PCDHAC2: variants seen among roughly 807,000 people sequenced by gnomAD.
PCDHAC2 encodes protocadherin alpha-C2.
In PCDHAC2, 24 loss-of-function variants were observed where a neutral mutation model predicts 63.3. The observed-to-expected ratio is 0.38, with a 90% confidence interval of 0.27 to 0.53. The LOEUF is 0.53. Among genes scored for constraint, PCDHAC2 ranks in the 20% least tolerant of loss-of-function variants. The probability of loss-of-function intolerance (pLI) is 0.81; values close to 1 mark genes in which losing one functional copy is unlikely to be tolerated. For missense variants in PCDHAC2, 1,181 were observed against 1,275.2 expected (o/e 0.93, Z 1.12); for synonymous variants, 569 against 529.4 (o/e 1.07, Z -1.03).
In PCDHAC2 at chr5:140,969,249, A is replaced by G. The variant is rs1586364972; in HGVS notation, c.2483A>G (p.Asp828Gly). The G allele has an allele frequency of 6.2e-7, 1 of 1,614,240 alleles. No homozygotes were observed. Among genetic ancestry groups the G allele is most frequent in the Admixed American group, 1.7e-5 (1 of 60,036 alleles). Residue 828 changes from aspartate (D) to glycine (G), a missense_variant, in exon 1 of 4, where the codon GAC becomes GGC. By Grantham distance (94) the Asp-to-Gly change is moderately conservative. Transcript: ENST00000289269. Reference sequence around the variant, plus strand: ...TCGGGAGCCCAAGCAGCAGTGACTGACAGCAGGAATCTCACAGGCCAAAGT... The same window carrying G: ...TCGGGAGCCCAAGCAGCAGTGACTGGCAGCAGGAATCTCACAGGCCAAAGT... The part of the protein sequence containing the change: ...GPSGAQAAVT[D>G]SRNLTGQSGQ...
In PCDHAC2 at chr5:140,966,603, G is replaced by A. The variant is rs567686852; in HGVS notation, c.-164G>A. On this transcript the variant is annotated 5_prime_UTR_variant, in exon 1 of 4. Transcript: ENST00000289269. ...GAGGACGGTGGGGCCAGGAGCCCTT[G>A]GGAGGGCCTACGGAGGGAGCGGCCC... The A allele has an allele frequency of 1.4e-5, 9 of 656,454 alleles. No individual in the cohort carries two copies. Among genetic ancestry groups the A allele is most frequent in the African/African-American group, 1.3e-4 (7 of 52,150 alleles). The allele number at this position is 656,454 out of a possible 1,614,324, so 40.7% of individuals were successfully genotyped here.
rs1350835757 is a variant in PCDHAC2, at chr5:141,010,856, A to G, written c.*919A>G. Reference sequence around the variant, plus strand: ...CATAGATTTATTTAAAAAAAGAGAAAGTCTATAGCTATAAATCTTTAAAGA... The same window carrying G: ...CATAGATTTATTTAAAAAAAGAGAAGGTCTATAGCTATAAATCTTTAAAGA... On this transcript the variant is annotated 3_prime_UTR_variant, in exon 4 of 4. Coordinates refer to ENST00000289269, the MANE Select transcript of PCDHAC2 (RefSeq NM_018899.6). The G allele has an allele frequency of 1.3e-5, 2 of 153,800 alleles. No homozygotes were observed. Among genetic ancestry groups the G allele is most frequent in the African/African-American group, 2.4e-5 (1 of 41,464 alleles). The allele number at this position is 153,800 out of a possible 1,614,324, so 9.5% of individuals were successfully genotyped here. A position where few individuals can be genotyped will look rare whatever the true frequency, so the allele number is the denominator to read the frequency against.
chr5:141,010,255 C>T lies in PCDHAC2; in HGVS notation c.*318C>T. The T allele has an allele frequency of 6.4e-7, 1 of 1,551,816 alleles. No homozygotes were observed. Among genetic ancestry groups the T allele is most frequent in the Non-Finnish European group, 8.7e-7 (1 of 1,147,020 alleles). ...CCAGTGAGAGGTTGGACTCTCTGCC[C>T]TGTGCTCCGGGGATCCTGTCTTGAT... is the stretch of plus-strand genomic sequence containing the variant. On this transcript the variant is annotated 3_prime_UTR_variant, in exon 4 of 4. Coordinates refer to ENST00000289269, the MANE Select transcript of PCDHAC2 (RefSeq NM_018899.6).
chr5:140,988,381 T>C (rs1554250091), intron 3 of PCDHAC2, among the ~76,000 whole-genome samples: 3 of 152,158 alleles, frequency 2.0e-5, no homozygotes, highest in Admixed American at 6.5e-5. Flanking sequence ...GTGAAACTCA[T>C]TGTGTTTGCC....
chr5:141,009,825 T>A lies in PCDHAC2; in HGVS notation c.2912T>A (p.Ile971Lys). ...AGCCAAATTGACAAAAGTGACTTCA[T>A]AACCTTCGGCAAAAAGGAGGAGACC... ...TNSQIDKSDF[I>K]TFGKKEETKK... is the part of the protein sequence containing the mutation. The change falls in exon 4 of 4, where the codon ATA (isoleucine) becomes AAA (lysine). Residue 971 changes from isoleucine to lysine, a missense_variant. Physicochemically the swap from Ile to Lys is moderately radical, Grantham distance 102. This residue lies in a region of PCDHAC2 where 968 missense variants were observed against 1,073.5 expected (regional missense o/e 0.90). Coordinates refer to ENST00000289269, the MANE Select transcript of PCDHAC2 (RefSeq NM_018899.6). 2 of 1,613,774 alleles carry A rather than the reference T, an allele frequency of 1.2e-6. No homozygotes were observed.
In PCDHAC2 at chr5:140,985,515, T is replaced by G. The variant is rs529024123; in HGVS notation, c.2713+2952T>G. The stretch of plus-strand genomic sequence containing the variant: ...AGAGCCTGCCTTTCATTGATTCTGT[T>G]GCCCTTAAAGCTTCACGGTGAAGAT... On this transcript the variant is annotated intron_variant, in intron 3 of 3. Transcript: ENST00000289269. Among the ~76,000 whole-genome samples, 8 of 152,284 alleles carry G rather than the reference T, an allele frequency of 5.3e-5. No individual in the cohort carries two copies. In the South Asian group the frequency reaches 1.7e-3, roughly 32 times the overall value.
chr5:141,005,142 T>C (rs1554259898), intron 3 of PCDHAC2, among the ~76,000 whole-genome samples: 1 of 152,234 alleles, frequency 6.6e-6, no homozygotes, highest in African/African-American at 2.4e-5. Flanking sequence ...ATTGGAGAGT[T>C]GTTTGGTCTG....
intron 1 of PCDHAC2, 106 bp downstream of exon 1, chr5:140,969,437 T>C (rs1429370144): frequency 1.8e-5 from 28 of 1,547,818 alleles, no homozygotes; most frequent in Non-Finnish European, 2.4e-5. Context: ...ACAAGAGTTA[T>C]CTGGTAAACT....
At chr5:140,995,860 A>C (rs1220139939) in intron 3 of PCDHAC2, among the ~76,000 whole-genome samples, 1 of 152,220 alleles carries the variant, frequency 6.6e-6, no homozygotes, top group Non-Finnish European at 1.5e-5. Flanking sequence ...CGTATCACTT[A>C]ATAATTGTGC....
intron 1 of PCDHAC2, chr5:140,969,583 A>G: frequency 1.1e-6 from 1 of 914,068 alleles, no homozygotes; most frequent in Admixed American, 3.0e-5. Context: ...AGTGAGGATT[A>G]GTCTTAATAT....
At position 140,967,061 on chromosome 5, in the gene PCDHAC2, C is replaced by T; in HGVS notation, c.295C>T (p.Leu99Phe). Residue 99 changes from leucine to phenylalanine, a missense_variant, in exon 1 of 4, where the codon CTC becomes TTC. Coordinates refer to ENST00000289269, the MANE Select transcript of PCDHAC2 (RefSeq NM_018899.6). Reference protein sequence around the residue: ...YLELDLTSGALFVNERIDREA... With the variant: ...YLELDLTSGAFFVNERIDREA... ...GGAGCTGGACCTGACGAGTGGAGCGCTCTTCGTCAACGAGCGCATTGATCG... is the reference window on the plus strand; with the variant it reads ...GGAGCTGGACCTGACGAGTGGAGCGTTCTTCGTCAACGAGCGCATTGATCG... The T allele has an allele frequency of 6.2e-7, 1 of 1,612,886 alleles. No individual in the cohort carries two copies. Among genetic ancestry groups the T allele is most frequent in the Non-Finnish European group, 8.5e-7 (1 of 1,179,684 alleles).
At chr5:140,979,537 A>G (rs538323100) in intron 2 of PCDHAC2, among the ~76,000 whole-genome samples, 1 of 152,332 alleles carries the variant, frequency 6.6e-6, no homozygotes, top group East Asian at 1.9e-4. Context: ...ATTGTCATCA[A>G]TGACATGGTT....
rs781874469 is a variant in PCDHAC2 at position 140,967,699 on chromosome 5, T to A, written c.933T>A (p.Asp311Glu). Residue 311 changes from aspartate to glutamate, a missense_variant, in exon 1 of 4, where the codon GAT (aspartate) becomes GAA (glutamate). Coordinates refer to ENST00000289269, the MANE Select transcript of PCDHAC2 (RefSeq NM_018899.6). ...GGGAGAGGCAGCTCTTCAGCATAGA[T>A]GCCAGTACCGGGGAAGTGCGAGTAA... The part of the protein sequence containing the change: ...SDRERQLFSI[D>E]ASTGEVRVIG... The A allele has an allele frequency of 1.2e-6, 2 of 1,614,154 alleles. No individual in the cohort carries two copies. Among genetic ancestry groups the A allele is most frequent in the Non-Finnish European group, 1.7e-6 (2 of 1,180,034 alleles).
At chr5:140,999,426 A>G (rs1456581917) in intron 3 of PCDHAC2, among the ~76,000 whole-genome samples, 2 of 152,204 alleles carry the variant, frequency 1.3e-5, no homozygotes, top group Middle Eastern at 3.2e-3. Context: ...TAAGAGGCCA[A>G]GTACCTTGCC....
chr5:141,000,385 CTCTCTCTCTCTA>C (rs1405113604), intron 3 of PCDHAC2, among the ~76,000 whole-genome samples: 12 of 64,976 alleles, frequency 1.8e-4, no homozygotes, highest in Admixed American at 6.0e-4. Context: ...CTCTCTCTCT[CTCTCTCTCTCTA>C]TATATATATA....
At chr5:140,991,320 A>G (rs1563572656) in intron 3 of PCDHAC2, among the ~76,000 whole-genome samples, 1 of 152,216 alleles carries the variant, frequency 6.6e-6, no homozygotes, top group Non-Finnish European at 1.5e-5. Context: ...CGCATGATAC[A>G]TGAAGGGAAT....
Position 140,968,434 on chromosome 5 carries a change from C to T in PCDHAC2, c.1668C>T (p.Ser556=). The change falls in exon 1 of 4, where the codon AGC becomes AGT. Residue 556 remains serine (S), a synonymous_variant. Transcript: ENST00000289269. ...CTGTGGAGGCTCAGGACAAGGGGAG[C>T]CCACCACTGAGCAGCACTGTGACTG... ...FVTVEAQDKG[S]PPLSSTVTAN... 11 of 1,613,948 alleles carry T rather than the reference C, an allele frequency of 6.8e-6. No individual in the cohort carries two copies. The highest frequency in any genetic ancestry group is 8.5e-6 in the Non-Finnish European group (10 of 1,179,998).
At chr5:140,973,272 TC>T (rs1412629943) in intron 1 of PCDHAC2, among the ~76,000 whole-genome samples, 1 of 152,134 alleles carries the variant, frequency 6.6e-6, no homozygotes, top group African/African-American at 2.4e-5. Flanking sequence ...TACTTTTATT[TC>T]CCCCAGCACT....
chr5:141,005,417 T>G (rs1323051159), intron 3 of PCDHAC2, among the ~76,000 whole-genome samples: 2 of 152,062 alleles, frequency 1.3e-5, no homozygotes, highest in African/African-American at 4.8e-5. Context: ...TGAGGAGTCA[T>G]GCTAAGAATG....
Sources: gnomAD v4.1 joint callset for allele counts (sites outside exome capture counted in the v4.1 genomes callset) on GRCh38, gnomAD v4.1.1 for gene constraint, gnomAD v4.1.1 regional missense constraint, MANE v1.5 for transcripts, NCBI Gene and HGNC (gene_info 2026-07-23, HGNC 2026-07-21) for gene names.